GRK5: variants seen among roughly 807,000 people sequenced by gnomAD.
The protein encoded by GRK5 is g protein-coupled receptor kinase GRK5.
GRK5 carries 40 observed loss-of-function variants against 78.4 expected under a neutral mutation model. The observed-to-expected ratio is 0.51, with a 90% CI of 0.40 to 0.66. The LOEUF (loss-of-function observed/expected upper bound fraction) is 0.66. Ranked by LOEUF, GRK5 falls within the 30% of genes least tolerant of loss-of-function variation. The pLI, the probability that GRK5 is intolerant of heterozygous loss-of-function variation, is 0.00. For missense variants in GRK5, 598 were observed against 759.9 expected (o/e 0.79, Z 2.50); for synonymous variants, 289 against 296.8 (o/e 0.97, Z 0.27).
rs116808916 is a variant in GRK5 at position 119,319,155 on chromosome 10, C to T, written c.53-7361C>T. Among the ~76,000 whole-genome samples the T allele has an allele frequency of 1.0e-2, 1,516 of 152,296 alleles. 24 individuals carry two copies. The highest frequency in any genetic ancestry group is 0.034 in the African/African-American group (1,433 of 41,554). ...CCTGCCCTGCCTTCCCCTTAACATA[C>T]TTCCCCAGTCTGGCAGGAGGGCACC... is the stretch of plus-strand genomic sequence containing the variant. On this transcript the variant is annotated intron_variant, in intron 1 of 15. Coordinates refer to ENST00000392870, the MANE Select transcript of GRK5 (RefSeq NM_005308.3).
chr10:119,394,537 C>CTG (rs371531655), intron 3 of GRK5, among the ~76,000 whole-genome samples: 2,470 of 5,508 alleles, frequency 0.45, 833 homozygotes, highest in African/African-American at 0.57. Flanking sequence ...GGGTGTGTAT[C>CTG]TGTGTGTGGG....
chr10:119,409,715 C>CT (rs1247296783), intron 4 of GRK5, among the ~76,000 whole-genome samples: 2 of 37,952 alleles, frequency 5.3e-5, no homozygotes, highest in Non-Finnish European at 1.8e-4. Flanking sequence ...CTGCCCCCTG[C>CT]CCCCCAACCC....
chr10:119,265,206 T>C (rs1003581782), intron 1 of GRK5, among the ~76,000 whole-genome samples: 12 of 152,206 alleles, frequency 7.9e-5, no homozygotes, highest in Admixed American at 1.3e-4. Flanking sequence ...TTAGTTTTTA[T>C]CTTGTTAATT....
intron 1 of GRK5, among the ~76,000 whole-genome samples, chr10:119,301,537 C>T (rs1247034149): frequency 6.6e-6 from 1 of 152,178 alleles, no homozygotes; most frequent in Non-Finnish European, 1.5e-5. Flanking sequence ...CTTGGTGTTA[C>T]CCACAGCACA....
rs1230091108 is a variant in GRK5 at position 119,284,300 on chromosome 10, G to A, written c.53-42216G>A. Reference sequence around the variant, plus strand: ...TTATTTAATCCAGTATCTGCAAATGGTTATCATTTTAGTATATCATTAATA... The same window carrying A: ...TTATTTAATCCAGTATCTGCAAATGATTATCATTTTAGTATATCATTAATA... On this transcript the variant is annotated intron_variant, in intron 1 of 15. Transcript: ENST00000392870. 2.6e-5 allele frequency among the ~76,000 whole-genome samples: 4 copies of A among 151,882 alleles called. No individual in the cohort carries two copies. The East Asian group carries it at 7.7e-4, about 29-fold the overall frequency.
intron 1 of GRK5, among the ~76,000 whole-genome samples, chr10:119,278,119 T>C (rs1849698275): frequency 6.6e-6 from 1 of 152,244 alleles, no homozygotes; most frequent in Non-Finnish European, 1.5e-5. Context: ...ATTGACAACC[T>C]GTTTTCCAAA....
chr10:119,414,932 A>C (rs952429903), intron 4 of GRK5, among the ~76,000 whole-genome samples: 1 of 151,888 alleles, frequency 6.6e-6, no homozygotes, highest in Non-Finnish European at 1.5e-5. Context: ...AAATACAAAA[A>C]TTAGTCAGGT....
At chr10:119,261,346 C>T (rs1849393940) in intron 1 of GRK5, among the ~76,000 whole-genome samples, 1 of 148,964 alleles carries the variant, frequency 6.7e-6, no homozygotes, top group Non-Finnish European at 1.5e-5. Context: ...GGGATGGCGG[C>T]CGGGAAGAGG....
intron 2 of GRK5, chr10:119,330,090 T>C (rs1850744033): frequency 6.6e-6 from 1 of 152,256 alleles, no homozygotes; most frequent in Non-Finnish European, 1.5e-5. Flanking sequence ...TTCAAACTCC[T>C]GGCCTCAAGT....
chr10:119,290,371 C>CAAACAAAAAAAA (rs1564878623), intron 1 of GRK5, among the ~76,000 whole-genome samples: 1 of 98,204 alleles, frequency 1.0e-5, no homozygotes, highest in African/African-American at 4.0e-5. Context: ...AAACAAAAAA[C>CAAACAAAAAAAA]AACTCTGTCC....
Position 119,334,584 on chromosome 10 carries a change from A to G in GRK5, c.148+7973A>G, listed in dbSNP as rs542073602. 3.9e-5 allele frequency: 6 copies of G among 152,364 alleles called. No homozygotes were observed. In the East Asian group the frequency reaches 1.2e-3, roughly 29 times the overall value. 9.4% of individuals were successfully genotyped at this position (152,364 alleles called of 1,614,324 possible). ...AAGGCTGGAATGTCATCACGAAGATAAAAGATTGTTGAGGTCTGCAAATAT... is the reference window on the plus strand; with the variant it reads ...AAGGCTGGAATGTCATCACGAAGATGAAAGATTGTTGAGGTCTGCAAATAT... On this transcript the variant is annotated intron_variant, in intron 2 of 15. Transcript: ENST00000392870.
intron 1 of GRK5, among the ~76,000 whole-genome samples, chr10:119,254,968 T>C (rs1379151115): frequency 1.3e-5 from 2 of 149,666 alleles, no homozygotes; most frequent in African/African-American, 4.9e-5. Context: ...AGCAGGAGAA[T>C]TGCTTTAACC....
At chr10:119,317,662 G>A (rs945770599) in intron 1 of GRK5, among the ~76,000 whole-genome samples, 6 of 152,120 alleles carry the variant, frequency 3.9e-5, no homozygotes, top group African/African-American at 9.7e-5. Context: ...ACTCAAGTCA[G>A]GCAGGACGCA....
At chr10:119,390,778 A>G (rs767160430) in intron 3 of GRK5, among the ~76,000 whole-genome samples, 28 of 152,256 alleles carry the variant, frequency 1.8e-4, no homozygotes, top group Non-Finnish European at 3.2e-4. Context: ...ACCCACCCTC[A>G]TGATTCAATT....
chr10:119,356,058 C>G (rs1851258557), intron 2 of GRK5, among the ~76,000 whole-genome samples: 1 of 152,186 alleles, frequency 6.6e-6, no homozygotes, highest in Non-Finnish European at 1.5e-5. Flanking sequence ...CCTAAGAACC[C>G]TGATCTGGAG....
In GRK5 at chr10:119,452,301, T is replaced by G; in HGVS notation, c.1405-370T>G. ...GACTCTAGCCCACGTCTGTCCAGTA[T>G]GGGTAAGGGAGTGATGGCAGGAATG... On this transcript the variant is annotated intron_variant, in intron 13 of 15. Transcript: ENST00000392870. The surrounding 1 kb of genome is among the most constrained non-coding windows in gnomAD (Gnocchi z 4.4). The G allele has an allele frequency of 4.4e-6, 1 of 224,784 alleles. No individual in the cohort carries two copies. The highest frequency in any genetic ancestry group is 8.9e-6 in the Non-Finnish European group (1 of 112,794). The allele number at this position is 224,784 out of a possible 1,614,324, so 13.9% of individuals were successfully genotyped here.
intron 2 of GRK5, among the ~76,000 whole-genome samples, chr10:119,353,065 T>G (rs1187878424): frequency 6.6e-6 from 1 of 152,200 alleles, no homozygotes; most frequent in Non-Finnish European, 1.5e-5. Context: ...GCCTTCTGGG[T>G]TGCCAATGTT....
At chr10:119,210,988 T>C (rs1028327599) in intron 1 of GRK5, among the ~76,000 whole-genome samples, 2 of 152,168 alleles carry the variant, frequency 1.3e-5, no homozygotes, top group African/African-American at 4.8e-5. Flanking sequence ...AGCAATAAAA[T>C]AGAAAGCCTG....
chr10:119,231,277 C>G (rs1246629478), intron 1 of GRK5, among the ~76,000 whole-genome samples: 1 of 152,090 alleles, frequency 6.6e-6, no homozygotes, highest in African/African-American at 2.4e-5. Context: ...AGACATTTCT[C>G]AAAAGAAGAC....
Sources: gnomAD v4.1 joint callset for allele counts (sites outside exome capture counted in the v4.1 genomes callset) on GRCh38, gnomAD v4.1.1 for gene constraint, Gnocchi (gnomAD v3.1) non-coding constraint, MANE v1.5 for transcripts, NCBI Gene and HGNC (gene_info 2026-07-23, HGNC 2026-07-21) for gene names.